Variants in CATSPERE observed in about 807,000 individuals in gnomAD.
The protein encoded by CATSPERE is catsper channel auxiliary subunit epsilon.
A neutral mutation model predicts 114.1 loss-of-function variants in CATSPERE; 93 were observed. That is an observed-to-expected ratio of 0.81 (90% CI 0.69 to 0.97). The LOEUF (loss-of-function observed/expected upper bound fraction) is 0.97. CATSPERE is among the 50% of genes least tolerant of loss of function. The probability of loss-of-function intolerance (pLI) is 0.00; values close to 1 mark genes in which losing one functional copy is unlikely to be tolerated. For synonymous variants in CATSPERE, 341 were observed against 384.1 expected (o/e 0.89, Z 1.31); for missense variants, 1,058 against 1,131.6 (o/e 0.93, Z 0.93).
chr1:244,627,815 G>A (rs1673402465), intron 20 of CATSPERE, among the ~76,000 whole-genome samples: 1 of 152,100 alleles, frequency 6.6e-6, no homozygotes, highest in Non-Finnish European at 1.5e-5. Flanking sequence ...AATCAACAGT[G>A]GTCCAAAACT....
At chr1:244,616,577 G>T (rs1357050343) in intron 19 of CATSPERE, among the ~76,000 whole-genome samples, 1 of 152,150 alleles carries the variant, frequency 6.6e-6, no homozygotes, top group African/African-American at 2.4e-5. Flanking sequence ...AGGAGAGAGA[G>T]GGTGAGGGCG....
rs1483555896 is a variant in CATSPERE, at chr1:244,490,460, A to G, written c.340A>G (p.Asn114Asp). 7 of 1,538,954 alleles carry G rather than the reference A, an allele frequency of 4.5e-6. No individual in the cohort carries two copies. Among genetic ancestry groups the G allele is most frequent in the Non-Finnish European group, 5.4e-6 (6 of 1,115,742 alleles). Residue 114 changes from asparagine to aspartate, a missense_variant, in exon 6 of 22, where the codon AAC becomes GAC. Around this residue, in one of 2 missense-constraint regions of CATSPERE, gnomAD observed 271 missense variants for 225.9 expected, o/e 1.20. Coordinates refer to ENST00000366534, the MANE Select transcript of CATSPERE (RefSeq NM_001130957.2). ...WYYRVRHFFNNFTQLITVWAY... is the reference protein window; with the variant it reads ...WYYRVRHFFNDFTQLITVWAY... ...TTTTCCAAGCAGACATTTCTTTAAC[A>G]ACTTTACCCAGGTAAAATATTTTTT...
chr1:244,597,831 A>G (rs747129864), intron 17 of CATSPERE, among the ~76,000 whole-genome samples: 10 of 152,218 alleles, frequency 6.6e-5, no homozygotes, highest in Non-Finnish European at 8.8e-5. Context: ...AGTGTCATCT[A>G]TAAGTGTGAG....
At chr1:244,493,464 G>C (rs1672578349) in intron 6 of CATSPERE, among the ~76,000 whole-genome samples, 1 of 152,152 alleles carries the variant, frequency 6.6e-6, no homozygotes, top group Non-Finnish European at 1.5e-5. Flanking sequence ...ATGGATTAAA[G>C]ACTTACATGT....
intron 19 of CATSPERE, among the ~76,000 whole-genome samples, chr1:244,615,328 A>C (rs572559550): frequency 2.0e-5 from 3 of 152,136 alleles, no homozygotes; most frequent in Admixed American, 1.3e-4. Flanking sequence ...TTATACTGTT[A>C]AATTAGCTGC....
chr1:244,528,398 G>C (rs1324477065), intron 8 of CATSPERE, among the ~76,000 whole-genome samples: 2 of 152,176 alleles, frequency 1.3e-5, no homozygotes, highest in Non-Finnish European at 2.9e-5. Flanking sequence ...GCAAATCATA[G>C]AGGAAAGGTA....
intron 6 of CATSPERE, 141 bp downstream of exon 6, chr1:244,490,612 A>G (rs1671913717): frequency 1.8e-6 from 1 of 544,054 alleles, no homozygotes; most frequent in Non-Finnish European, 3.3e-6. Flanking sequence ...TTTCTATAAG[A>G]CCCATTCAGG....
intron 11 of CATSPERE, among the ~76,000 whole-genome samples, chr1:244,574,767 A>C (rs1664991232): frequency 6.6e-6 from 1 of 152,152 alleles, no homozygotes; most frequent in Non-Finnish European, 1.5e-5. Flanking sequence ...GAAGTGTCTG[A>C]CTTCACTGCA....
At chr1:244,577,799 C>T (rs2148596076) in intron 11 of CATSPERE, among the ~76,000 whole-genome samples, 1 of 152,264 alleles carries the variant, frequency 6.6e-6, no homozygotes, top group African/African-American at 2.4e-5. Flanking sequence ...AGTGTAATAA[C>T]ATTTATGAAT....
chr1:244,601,996 A>AGAAGGG (rs370023429), intron 17 of CATSPERE, among the ~76,000 whole-genome samples: 1 of 151,520 alleles, frequency 6.6e-6, no homozygotes, highest in African/African-American at 2.4e-5. Context: ...GGGAAGGAGA[A>AGAAGGG]GAAGGGGAAG....
intron 8 of CATSPERE, among the ~76,000 whole-genome samples, chr1:244,547,240 A>G (rs1659898659): frequency 1.2e-5 from 1 of 81,560 alleles, no homozygotes; most frequent in Non-Finnish European, 2.8e-5. Flanking sequence ...TCGGCAGGCC[A>G]TCCTTCAAAA....
chr1:244,491,407 A>C (rs1343186535), intron 6 of CATSPERE, among the ~76,000 whole-genome samples: 1 of 152,048 alleles, frequency 6.6e-6, no homozygotes, highest in Non-Finnish European at 1.5e-5. Context: ...GAGAACAAAG[A>C]CACAACATAC....
At chr1:244,593,985 T>C (rs1369329446) in intron 17 of CATSPERE, among the ~76,000 whole-genome samples, 1 of 152,188 alleles carries the variant, frequency 6.6e-6, no homozygotes, top group Non-Finnish European at 1.5e-5. Context: ...GACAAGTACA[T>C]TGAGGGCATT....
At chr1:244,524,279 A>G (rs1328680952) in intron 8 of CATSPERE, among the ~76,000 whole-genome samples, 12 of 150,202 alleles carry the variant, frequency 8.0e-5, no homozygotes, top group African/African-American at 2.5e-4. Flanking sequence ...AAAACTGGCT[A>G]GCCATATGTA....
intron 8 of CATSPERE, among the ~76,000 whole-genome samples, chr1:244,525,274 G>A (rs868573503): frequency 6.9e-6 from 1 of 145,436 alleles, no homozygotes; most frequent in Non-Finnish European, 1.5e-5. Context: ...TCACTCATAG[G>A]TGGGAATTGA....
intron 11 of CATSPERE, 83 bp from the exon 12 acceptor site, chr1:244,581,713 T>G (rs1171606534): frequency 4.9e-6 from 3 of 608,996 alleles, no homozygotes; most frequent in Non-Finnish European, 9.0e-6. Context: ...CATGCCTAGA[T>G]GTAGAAAGCC....
At chr1:244,479,583 C>A (rs1039827531) in intron 4 of CATSPERE, 134 bp from the exon 5 acceptor site, 13 of 389,290 alleles carry the variant, frequency 3.3e-5, no homozygotes, top group East Asian at 8.0e-5. Flanking sequence ...TATTTAAATT[C>A]TATTCTGAAC....
At chr1:244,467,267 A>G (rs1558309376) in intron 2 of CATSPERE, among the ~76,000 whole-genome samples, 1 of 152,008 alleles carries the variant, frequency 6.6e-6, no homozygotes, top group Non-Finnish European at 1.5e-5. Context: ...TTTAAGAAGC[A>G]CATCATTTCA....
chr1:244,523,810 A>G (rs200049587), intron 8 of CATSPERE, among the ~76,000 whole-genome samples: 17 of 144,308 alleles, frequency 1.2e-4, no homozygotes, highest in Admixed American at 4.1e-4. Flanking sequence ...AAGGAGAACT[A>G]CAAACCACTG....
Sources: allele counts gnomAD v4.1 joint callset (sites outside exome capture counted in the v4.1 genomes callset), GRCh38; gene constraint gnomAD v4.1.1; regional missense constraint gnomAD v4.1.1; transcripts MANE v1.5; gene names NCBI Gene and HGNC (gene_info 2026-07-23, HGNC 2026-07-21).